Variants in WIPF1 observed in about 807,000 individuals in gnomAD.
WIPF1 encodes WAS/WASL-interacting protein family member 1.
WIPF1 carries 13 observed loss-of-function variants against 35.4 expected under a neutral mutation model. That is an observed-to-expected ratio of 0.37 (90% CI 0.24 to 0.58). WIPF1 has a LOEUF of 0.58. Among genes scored for constraint, WIPF1 ranks in the 20% least tolerant of loss-of-function variants. The pLI, the probability that WIPF1 is intolerant of heterozygous loss-of-function variation, is 0.74. For synonymous variants in WIPF1, 267 were observed against 266.3 expected (o/e 1.00, Z -0.02); for missense variants, 591 against 667.0 (o/e 0.89, Z 1.25).
At chr2:174,601,920 C>T (rs951393401), upstream of WIPF1, among the ~76,000 whole-genome samples, 4 of 152,174 alleles carry the variant, frequency 2.6e-5, no homozygotes, top group East Asian at 3.8e-4. Flanking sequence ...ATTTCAGGTT[C>T]GGGTGATACC....
rs957456648 is a variant in WIPF1 at position 174,658,943 on chromosome 2, G to A, written c.-39+23831C>T. On this transcript the variant is annotated intron_variant, in intron 1 of 8. Coordinates refer to the WIPF1 transcript ENST00000272746. ...CCACCACCACCTACCAGATGTCCTC[G>A]GACAAGTCATTTCAGCCCTTAAGCC... 2.6e-5 allele frequency among the ~76,000 whole-genome samples: 4 copies of A among 152,040 alleles called. No individual in the cohort carries two copies. The South Asian group carries it at 6.3e-4, about 24-fold the overall frequency.
At chr2:174,649,862 C>A (rs1381712580) in intron 1 of WIPF1, among the ~76,000 whole-genome samples, 1 of 152,224 alleles carries the variant, frequency 6.6e-6, no homozygotes, top group Non-Finnish European at 1.5e-5. Context: ...TTATGCATGA[C>A]TGTAAACCTT....
chr2:174,653,506 C>T (rs772696282), intron 1 of WIPF1, among the ~76,000 whole-genome samples: 17 of 151,768 alleles, frequency 1.1e-4, no homozygotes, highest in Non-Finnish European at 2.2e-4. Flanking sequence ...CAGGCCGAGG[C>T]GGGCAGATCA....
chr2:174,584,677 C>T (rs1204685169), intron 2 of WIPF1, among the ~76,000 whole-genome samples: 1 of 152,060 alleles, frequency 6.6e-6, no homozygotes, highest in Non-Finnish European at 1.5e-5. Context: ...TTTGGGAGGC[C>T]GAGGTGGGTG....
intron 4 of WIPF1, among the ~76,000 whole-genome samples, chr2:174,573,665 C>T (rs1318478630): frequency 6.6e-6 from 1 of 151,976 alleles, no homozygotes; most frequent in Non-Finnish European, 1.5e-5. Flanking sequence ...GTGCAGAGGC[C>T]CTGAGGTGGG....
At chr2:174,587,593 A>C (rs1417167686) in intron 1 of WIPF1, 5 of 152,226 alleles carry the variant, frequency 3.3e-5, no homozygotes, top group African/African-American at 1.2e-4. Context: ...TGAAAATTTT[A>C]AATTCCACAG....
At chr2:174,574,694 C>G in intron 4 of WIPF1, 2 of 602,580 alleles carry the variant, frequency 3.3e-6, no homozygotes, top group East Asian at 5.6e-5. Flanking sequence ...TGCAGAGACT[C>G]CTGAGAACCA....
chr2:174,606,298 A>T (rs1189204522), intron 1 of WIPF1, among the ~76,000 whole-genome samples: 1 of 152,248 alleles, frequency 6.6e-6, no homozygotes, highest in Non-Finnish European at 1.5e-5. Flanking sequence ...TACTTCAAAA[A>T]TAGTATCAAA....
At chr2:174,670,002 G>T (rs4378760) in intron 1 of WIPF1, among the ~76,000 whole-genome samples, 85,789 of 151,970 alleles carry the variant, frequency 0.56, 24,758 homozygotes, top group East Asian at 0.7. Flanking sequence ...GTTTTCAAGG[G>T]GAGGAGGGGA....
At chr2:174,665,388 ACT>A (rs1687869985) in intron 1 of WIPF1, 1 of 152,006 alleles carries the variant, frequency 6.6e-6, no homozygotes, top group Non-Finnish European at 1.5e-5. Flanking sequence ...CATCTTCTCC[ACT>A]CTCTTCCTTG....
rs113048431 is a variant in WIPF1 at position 174,574,795 on chromosome 2, G to A, written c.358+409C>T. 2.4e-4 allele frequency: 163 copies of A among 689,894 alleles called. 7 individuals carry two copies. The highest frequency in any genetic ancestry group is 1.5e-3 in the African/African-American group (82 of 55,386). 42.7% of individuals were successfully genotyped at this position (689,894 alleles called of 1,614,324 possible). On this transcript the variant is annotated intron_variant, in intron 4 of 7. Coordinates refer to ENST00000679041, the MANE Select transcript of WIPF1 (RefSeq NM_001375834.1). ...CATATTCCACAAGATGTGCTCCATC[G>A]TGTTTGAAAAGCGGCTCACAAGTAT...
intron 3 of WIPF1, 177 bp from the exon 4 acceptor site, chr2:174,575,557 A>G: frequency 9.0e-7 from 1 of 1,110,016 alleles, no homozygotes; most frequent in South Asian, 2.1e-5. Flanking sequence ...TGCCCGCTCC[A>G]GGCAGTCCCA....
At chr2:174,653,763 GA>G (rs1687587363) in intron 1 of WIPF1, among the ~76,000 whole-genome samples, 1 of 129,260 alleles carries the variant, frequency 7.7e-6, no homozygotes, top group African/African-American at 3.0e-5. Flanking sequence ...AAAAAAAAAA[GA>G]AACAGAGTTC....
chr2:174,662,986 A>C (rs1687811007), intron 1 of WIPF1, among the ~76,000 whole-genome samples: 1 of 152,252 alleles, frequency 6.6e-6, no homozygotes, highest in South Asian at 2.1e-4. Flanking sequence ...AAATGTTAAC[A>C]TCAGTGGGAG....
At chr2:174,657,881 G>C (rs1687677230) in intron 1 of WIPF1, among the ~76,000 whole-genome samples, 1 of 143,720 alleles carries the variant, frequency 7.0e-6, no homozygotes, top group African/African-American at 2.6e-5. Context: ...TTGCACTTCG[G>C]CCTGGACAAC....
intron 1 of WIPF1, among the ~76,000 whole-genome samples, chr2:174,649,477 A>G (rs1229836817): frequency 1.3e-5 from 2 of 152,122 alleles, no homozygotes; most frequent in African/African-American, 2.4e-5. Context: ...TGGTCATCCC[A>G]GGGCTACGTG....
rs936910481 is a variant in WIPF1, at chr2:174,561,704, A to G, written c.*843T>C. ...GTTGCCTCTTGAATCGCTCAAGCCC[A>G]TCTTGCCTTTTTTGTTTTTTAAACA... On this transcript the variant is annotated 3_prime_UTR_variant, in exon 8 of 8. Transcript: ENST00000679041. The G allele has an allele frequency of 1.4e-4, 25 of 176,934 alleles. No individual in the cohort carries two copies. Among genetic ancestry groups the G allele is most frequent in the African/African-American group, 5.7e-4 (24 of 42,052 alleles). 11.0% of individuals were successfully genotyped at this position (176,934 alleles called of 1,614,324 possible).
rs568561852 is a variant in WIPF1, at chr2:174,609,923, C to T, written c.-38-24312G>A. Among the ~76,000 whole-genome samples, 11 of 152,332 alleles carry T rather than the reference C, an allele frequency of 7.2e-5. No homozygotes were observed. In the South Asian group the frequency reaches 1.0e-3, roughly 14 times the overall value. On this transcript the variant is annotated intron_variant, in intron 1 of 8. Transcript: ENST00000272746. ...TCACATTTTGTTACCAAACATATCA[C>T]AGAGGCGTGGGTGATTCTTTCTCCT... is the stretch of plus-strand genomic sequence containing the variant.
chr2:174,562,335 A>C lies in WIPF1; in HGVS notation c.*212T>G. 1 of 1,483,524 alleles carries C rather than the reference A, an allele frequency of 6.7e-7. No individual in the cohort carries two copies. Among genetic ancestry groups the C allele is most frequent in the Non-Finnish European group, 9.0e-7 (1 of 1,115,616 alleles). The allele number at this position is 1,483,524 out of a possible 1,614,324, so 91.9% of individuals were successfully genotyped here. ...GCCAGCACAGGCAGGCTGCAGCTGA[A>C]GCAAGCAATAGCCTGGAGAATAAAC... is the stretch of plus-strand genomic sequence containing the variant. On this transcript the variant is annotated 3_prime_UTR_variant, in exon 8 of 8. Transcript: ENST00000679041.
Sources: allele counts gnomAD v4.1 joint callset (sites outside exome capture counted in the v4.1 genomes callset), GRCh38; gene constraint gnomAD v4.1.1; transcripts MANE v1.5; gene names NCBI Gene and HGNC (gene_info 2026-07-23, HGNC 2026-07-21).